The following SHC4 variants were observed in gnomAD, a reference collection of about 807,000 sequenced individuals.
The protein encoded by SHC4 is SHC adaptor protein 4.
Under a neutral mutation model 69.4 loss-of-function variants are expected in SHC4, and 41 were observed. The ratio of observed to expected loss-of-function variants is 0.59; its 90% CI spans 0.46 to 0.77. The LOEUF (loss-of-function observed/expected upper bound fraction) is 0.77, where lower values mean the gene tolerates loss of function less well. SHC4 is among the 30% of genes least tolerant of loss of function. The pLI is 0.00. For missense variants in SHC4, 777 were observed against 783.8 expected (o/e 0.99, Z 0.10); for synonymous variants, 318 against 299.3 (o/e 1.06, Z -0.64).
chr15:48,837,659 T>G (rs1567048840), intron 10 of SHC4, among the ~76,000 whole-genome samples: 1 of 152,180 alleles, frequency 6.6e-6, no homozygotes, highest in Non-Finnish European at 1.5e-5. Context: ...AAGGCCAATC[T>G]AGATTTAATT....
In SHC4 at chr15:48,946,605, G is replaced by C. The variant is rs187127347; in HGVS notation, c.585+15826C>G. 65 of 984,234 alleles carry C rather than the reference G, an allele frequency of 6.6e-5. No homozygotes were observed. The African/African-American group carries it at 1.1e-3, about 16-fold the overall frequency. The allele number at this position is 984,234 out of a possible 1,614,324, so 61.0% of individuals were successfully genotyped here. A position where few individuals can be genotyped will look rare whatever the true frequency, so the allele number is the denominator to read the frequency against. ...GAGATTTGTCACACATCCCAGGCCA[G>C]AATCTCTTTCACTTGTTTCATGTTG... On this transcript the variant is annotated intron_variant, in intron 1 of 11. Coordinates refer to ENST00000332408, the MANE Select transcript of SHC4 (RefSeq NM_203349.4).
At chr15:48,920,300 C>T (rs775414125) in intron 2 of SHC4, among the ~76,000 whole-genome samples, 3 of 151,988 alleles carry the variant, frequency 2.0e-5, no homozygotes, top group African/African-American at 4.8e-5. Flanking sequence ...GGATTACAGG[C>T]GTGAGCCACT....
At chr15:48,903,531 T>C (rs996112766) in intron 2 of SHC4, among the ~76,000 whole-genome samples, 8 of 152,190 alleles carry the variant, frequency 5.3e-5, no homozygotes, top group Admixed American at 3.3e-4. Context: ...TTTGGGGGAC[T>C]TTCTGGGGAA....
At chr15:48,892,106 C>T (rs1183343357) in intron 2 of SHC4, among the ~76,000 whole-genome samples, 1 of 152,048 alleles carries the variant, frequency 6.6e-6, no homozygotes, top group Non-Finnish European at 1.5e-5. Context: ...CCGCCCGCCT[C>T]GGCCTCCTAA....
chr15:48,928,087 G>A (rs12592151), intron 1 of SHC4, among the ~76,000 whole-genome samples: 35,500 of 152,064 alleles, frequency 0.23, 4,463 homozygotes, highest in Non-Finnish European at 0.26. Flanking sequence ...GCCGAGGGAC[G>A]GAGGGAGGTG....
intron 1 of SHC4, among the ~76,000 whole-genome samples, chr15:48,940,351 A>C (rs76487806): frequency 0.012 from 1,884 of 152,308 alleles, 21 homozygotes; most frequent in Admixed American, 0.023. Flanking sequence ...TCAGCTCCTC[A>C]ACAAAATTAA....
rs1251419397 is a variant in SHC4, at chr15:48,856,001, C to A, written c.1194G>T (p.Thr398=). The change falls in exon 8 of 12, where the codon ACG becomes ACT. Residue 398 remains threonine (T), a synonymous_variant. Transcript: ENST00000332408. The stretch of plus-strand genomic sequence containing the variant: ...GTATGGGGCAGTAAGCCATTTGTTC[C>A]GTGGCTTGAACTTTGATCCGCATAT... ...VSDMRIKVQA[T]EQMAYCPIQC... The A allele has an allele frequency of 1.2e-6, 2 of 1,613,824 alleles. No homozygotes were observed. The highest frequency in any genetic ancestry group is 1.3e-5 in the African/African-American group (1 of 75,006).
intron 10 of SHC4, among the ~76,000 whole-genome samples, chr15:48,836,071 C>A (rs1431571047): frequency 8.7e-5 from 13 of 148,648 alleles, no homozygotes; most frequent in South Asian, 6.4e-4. Context: ...CACGTGCCTG[C>A]AGTCCCAGCT....
chr15:48,947,787 TG>T (rs1296833603), intron 1 of SHC4: 1 of 152,218 alleles, frequency 6.6e-6, no homozygotes, highest in Non-Finnish European at 1.5e-5. Flanking sequence ...CACCTGCTTT[TG>T]TAACACCCTT....
At chr15:48,877,460 G>A in intron 4 of SHC4, 2 of 982,614 alleles carry the variant, frequency 2.0e-6, no homozygotes, top group East Asian at 1.1e-4. Flanking sequence ...TAAGTTGAAG[G>A]TAAAAACAGG....
At chr15:48,826,862 G>A (rs1225879791) in intron 11 of SHC4, among the ~76,000 whole-genome samples, 2 of 152,176 alleles carry the variant, frequency 1.3e-5, no homozygotes, top group Non-Finnish European at 2.9e-5. Context: ...TCTCCAAGAA[G>A]CCTCCTCAGA....
At chr15:48,912,229 G>A (rs1415742272) in intron 2 of SHC4, among the ~76,000 whole-genome samples, 1 of 151,964 alleles carries the variant, frequency 6.6e-6, no homozygotes, top group Non-Finnish European at 1.5e-5. Flanking sequence ...ATTATTCTTA[G>A]GTTTGGTCAT....
At chr15:48,934,370 C>T (rs147723999) in intron 1 of SHC4, among the ~76,000 whole-genome samples, 1 of 152,228 alleles carries the variant, frequency 6.6e-6, no homozygotes, top group Admixed American at 6.5e-5. Context: ...AAATGCAAAT[C>T]AAAGCCACAG....
intron 4 of SHC4, among the ~76,000 whole-genome samples, chr15:48,874,484 ACTGT>A (rs34429618): frequency 0.36 from 55,025 of 151,718 alleles, 11,036 homozygotes; most frequent in Middle Eastern, 0.54. Flanking sequence ...TGCTCACATT[ACTGT>A]CTGAGTTCTG....
At chr15:48,913,216 G>C (rs1355066822) in intron 2 of SHC4, among the ~76,000 whole-genome samples, 3 of 151,980 alleles carry the variant, frequency 2.0e-5, no homozygotes, top group Non-Finnish European at 4.4e-5. Flanking sequence ...ACCATCAGGT[G>C]GGGGTGGGGC....
intron 1 of SHC4, among the ~76,000 whole-genome samples, chr15:48,933,002 T>C (rs1038024004): frequency 1.3e-4 from 20 of 152,166 alleles, no homozygotes; most frequent in African/African-American, 4.6e-4. Context: ...CTCTTTCAAA[T>C]TGAATCTCAT....
chr15:48,955,686 C>T (rs1026491791), intron 1 of SHC4, among the ~76,000 whole-genome samples: 16 of 152,162 alleles, frequency 1.1e-4, no homozygotes, highest in African/African-American at 3.9e-4. Context: ...CTTCTCACTG[C>T]TATTTTAAGA....
chr15:48,872,423 G>A (rs1899696724), intron 4 of SHC4, among the ~76,000 whole-genome samples: 1 of 152,104 alleles, frequency 6.6e-6, no homozygotes, highest in Non-Finnish European at 1.5e-5. Flanking sequence ...GCCAATCAAT[G>A]TATTTTGGGA....
intron 11 of SHC4, 107 bp from the exon 12 acceptor site, chr15:48,826,233 TG>T: frequency 9.1e-7 from 1 of 1,100,356 alleles, no homozygotes; most frequent in Admixed American, 2.9e-5. Flanking sequence ...GTAGATACTT[TG>T]CTGAAAAAAG....
Sources: allele counts gnomAD v4.1 joint callset (sites outside exome capture counted in the v4.1 genomes callset), GRCh38; gene constraint gnomAD v4.1.1; transcripts MANE v1.5; gene names NCBI Gene and HGNC (gene_info 2026-07-23, HGNC 2026-07-21).